AKAP13: variants seen among roughly 807,000 people sequenced by gnomAD.
AKAP13 encodes the protein A-kinase anchoring protein 13.
Under a neutral mutation model 264.5 loss-of-function variants are expected in AKAP13, and 80 were observed. That is an observed-to-expected ratio of 0.30 (90% CI 0.25 to 0.36). The LOEUF (loss-of-function observed/expected upper bound fraction) is 0.36, where lower values mean the gene tolerates loss of function less well. AKAP13 is among the 10% of genes least tolerant of loss of function. The probability of loss-of-function intolerance (pLI) is 1.00; values close to 1 mark genes in which losing one functional copy is unlikely to be tolerated. For missense variants in AKAP13, 3,712 were observed against 3,435.2 expected (o/e 1.08, Z -2.01); for synonymous variants, 1,380 against 1,250.2 (o/e 1.10, Z -2.19).
chr15:85,586,715 C>A (rs1056845508), intron 8 of AKAP13, among the ~76,000 whole-genome samples: 14 of 151,932 alleles, frequency 9.2e-5, no homozygotes, highest in African/African-American at 3.1e-4. Flanking sequence ...TACCTGAGGT[C>A]GGAAGTTCAA....
intron 8 of AKAP13, among the ~76,000 whole-genome samples, chr15:85,617,704 A>C (rs996820647): frequency 1.3e-5 from 2 of 152,214 alleles, no homozygotes; most frequent in African/African-American, 2.4e-5. Context: ...TGTGTTCAAA[A>C]AAAGAAGAAG....
At chr15:85,656,207 A>C (rs1338844149) in intron 11 of AKAP13, among the ~76,000 whole-genome samples, 1 of 152,208 alleles carries the variant, frequency 6.6e-6, no homozygotes, top group Non-Finnish European at 1.5e-5. Context: ...TAACACATCA[A>C]AGTCTTTCAG....
chr15:85,411,941 C>T (rs538127164), intron 1 of AKAP13, among the ~76,000 whole-genome samples: 6 of 152,230 alleles, frequency 3.9e-5, no homozygotes, highest in African/African-American at 1.4e-4. Context: ...AATATGTATT[C>T]GCCACCATGA....
chr15:85,703,716 A>T (rs1248294195), intron 17 of AKAP13, among the ~76,000 whole-genome samples: 1 of 151,970 alleles, frequency 6.6e-6, no homozygotes, highest in Non-Finnish European at 1.5e-5. Context: ...AGTGGCATGG[A>T]CCGGTAATCC....
chr15:85,543,036 G>C (rs1321193323), intron 4 of AKAP13, among the ~76,000 whole-genome samples: 3 of 152,278 alleles, frequency 2.0e-5, no homozygotes, highest in Admixed American at 6.5e-5. Flanking sequence ...TCCTCATTCT[G>C]TCACTTTCAG....
chr15:85,561,430 T>A (rs192984658), intron 5 of AKAP13, among the ~76,000 whole-genome samples: 2 of 152,352 alleles, frequency 1.3e-5, no homozygotes, highest in African/African-American at 4.8e-5. Context: ...GTTACTTTAG[T>A]GAGATTGAGC....
intron 19 of AKAP13, among the ~76,000 whole-genome samples, chr15:85,715,465 G>A (rs1031288271): frequency 2.6e-5 from 4 of 152,084 alleles, no homozygotes; most frequent in South Asian, 4.1e-4. Context: ...TTGCTGGATC[G>A]AAGAATATAG....
intron 5 of AKAP13, among the ~76,000 whole-genome samples, chr15:85,574,097 G>A (rs1292675565): frequency 1.3e-5 from 2 of 152,194 alleles, no homozygotes; most frequent in Admixed American, 6.5e-5. Flanking sequence ...ATACCACACT[G>A]TGTATCAAAC....
At chr15:85,386,376 C>A (rs2070562739) in intron 1 of AKAP13, among the ~76,000 whole-genome samples, 2 of 150,826 alleles carry the variant, frequency 1.3e-5, no homozygotes, top group South Asian at 4.2e-4. Context: ...TCACTGGAAT[C>A]TCCGCCTCCC....
intron 4 of AKAP13, 170 bp downstream of exon 4, chr15:85,534,050 C>T: frequency 1.5e-6 from 1 of 662,142 alleles, no homozygotes. Context: ...CTAGGTTCTT[C>T]AATTGAGCTG....
intron 8 of AKAP13, 119 bp downstream of exon 8, chr15:85,585,942 T>C: frequency 7.5e-7 from 1 of 1,335,228 alleles, no homozygotes; most frequent in Non-Finnish European, 1.0e-6. Context: ...TTTTCCCCCT[T>C]CCCTCTTGTG....
chr15:85,463,476 C>G (rs1171699479), intron 1 of AKAP13, among the ~76,000 whole-genome samples: 1 of 152,192 alleles, frequency 6.6e-6, no homozygotes, highest in Non-Finnish European at 1.5e-5. Context: ...CAGATCCACA[C>G]TGTTATGAGA....
chr15:85,524,493 A>ATT (rs141578999), intron 3 of AKAP13, among the ~76,000 whole-genome samples: 5 of 150,870 alleles, frequency 3.3e-5, no homozygotes, highest in South Asian at 2.1e-4. Context: ...TTTTATTATT[A>ATT]TTTTTTTATT....
chr15:85,622,288 G>A (rs2081228731), intron 8 of AKAP13, among the ~76,000 whole-genome samples: 1 of 152,162 alleles, frequency 6.6e-6, no homozygotes, highest in African/African-American at 2.4e-5. Flanking sequence ...AGATCTTTTC[G>A]AGGTGCAGAC....
intron 1 of AKAP13, among the ~76,000 whole-genome samples, chr15:85,479,841 A>G (rs1272585041): frequency 6.6e-6 from 1 of 152,190 alleles, no homozygotes; most frequent in Non-Finnish European, 1.5e-5. Flanking sequence ...GTGGCTAAAG[A>G]ATAGTGAATT....
chr15:85,473,800 C>G (rs1183547672), intron 1 of AKAP13, among the ~76,000 whole-genome samples: 1 of 152,192 alleles, frequency 6.6e-6, no homozygotes, highest in East Asian at 1.9e-4. Flanking sequence ...TTAATAACCA[C>G]TCGCCTGAGA....
chr15:85,593,306 T>C (rs969918913), intron 8 of AKAP13, among the ~76,000 whole-genome samples: 1 of 152,036 alleles, frequency 6.6e-6, no homozygotes, highest in African/African-American at 2.4e-5. Flanking sequence ...AATGAGACTC[T>C]ATCTCAAAAC....
intron 5 of AKAP13, among the ~76,000 whole-genome samples, chr15:85,564,320 A>G (rs962400258): frequency 6.6e-6 from 1 of 152,192 alleles, no homozygotes; most frequent in African/African-American, 2.4e-5. Flanking sequence ...GATTCTTAAC[A>G]TTGGTTACAT....
intron 2 of AKAP13, chr15:85,520,544 C>T (rs1167596511): frequency 5.3e-6 from 2 of 374,358 alleles, no homozygotes; most frequent in African/African-American, 2.3e-5. Flanking sequence ...ACAAAGATGT[C>T]TTACCTTCTA....
Sources: allele counts gnomAD v4.1 joint callset (sites outside exome capture counted in the v4.1 genomes callset), GRCh38; gene constraint gnomAD v4.1.1; transcripts MANE v1.5; gene names NCBI Gene and HGNC (gene_info 2026-07-23, HGNC 2026-07-21).